Variants in CAMTA1 observed in about 807,000 individuals in gnomAD.
The protein encoded by CAMTA1 is calmodulin-binding transcription activator 1.
A neutral mutation model predicts 170.9 loss-of-function variants in CAMTA1; 27 were observed. The ratio of observed to expected loss-of-function variants is 0.16; its 90% CI spans 0.12 to 0.22. The LOEUF (loss-of-function observed/expected upper bound fraction) is 0.22. Ranked by LOEUF, CAMTA1 falls within the 10% of genes least tolerant of loss-of-function variation. CAMTA1 has a pLI of 1.00. For synonymous variants in CAMTA1, 833 were observed against 891.5 expected, an observed-to-expected ratio of 0.93 and a Z score of 1.17; for missense variants, 1,619 against 2,217.2, an observed-to-expected ratio of 0.73 and a Z score of 5.42.
intron 3 of CAMTA1, among the ~76,000 whole-genome samples, chr1:7,022,910 T>A (rs1456847084): frequency 2.0e-5 from 3 of 152,108 alleles, no homozygotes; most frequent in Admixed American, 6.6e-5. Context: ...GATTTCCAGG[T>A]GCCGGAAGCC....
chr1:6,850,645 A>G (rs191058706), intron 3 of CAMTA1, among the ~76,000 whole-genome samples: 45 of 152,348 alleles, frequency 3.0e-4, no homozygotes, highest in African/African-American at 1.0e-3. Flanking sequence ...TTGTGGGTGT[A>G]AGAGGTGGGG....
In CAMTA1 at chr1:7,642,052, C is replaced by A. The variant is rs1415223508; in HGVS notation, c.664+1499C>A. ...CCTCTCCACCTGCCCCTCTCCCTGG[C>A]TCTGCCTGCTCACCCCACCTTTCCC... On this transcript the variant is annotated intron_variant, in intron 7 of 22. Transcript: ENST00000303635. This position sits in a 1 kb window ranked among gnomAD's most constrained non-coding sequence, Gnocchi z 6.3. Among the ~76,000 whole-genome samples, 1 of 151,976 alleles carries A rather than the reference C, an allele frequency of 6.6e-6. No homozygotes were observed. Among genetic ancestry groups the A allele is most frequent in the Non-Finnish European group, 1.5e-5 (1 of 68,002 alleles).
chr1:7,400,837 G>T (rs1477139161), intron 5 of CAMTA1, among the ~76,000 whole-genome samples: 1 of 152,194 alleles, frequency 6.6e-6, no homozygotes, highest in Non-Finnish European at 1.5e-5. Context: ...TGCTCCTGTG[G>T]AAGTGGGGCA....
chr1:6,866,088 A>AGG (rs1666485875), intron 3 of CAMTA1, among the ~76,000 whole-genome samples: 1 of 152,056 alleles, frequency 6.6e-6, no homozygotes, highest in Non-Finnish European at 1.5e-5. Flanking sequence ...TTGAGGAGAG[A>AGG]GGGTATATGT....
intron 2 of CAMTA1, among the ~76,000 whole-genome samples, chr1:6,823,140 A>G (rs1346274634): frequency 1.3e-5 from 2 of 152,168 alleles, no homozygotes; most frequent in African/African-American, 2.4e-5. Context: ...TCAGAATTGT[A>G]CATATCATGG....
intron 5 of CAMTA1, among the ~76,000 whole-genome samples, chr1:7,379,178 T>C (rs747500526): frequency 6.6e-6 from 1 of 152,278 alleles, no homozygotes; most frequent in Non-Finnish European, 1.5e-5. Context: ...AATGTCAATA[T>C]ACTAAGATCT....
intron 3 of CAMTA1, among the ~76,000 whole-genome samples, chr1:6,958,506 T>G (rs1689852271): frequency 6.6e-6 from 1 of 152,142 alleles, no homozygotes; most frequent in Non-Finnish European, 1.5e-5. Context: ...CACAACAGAT[T>G]TCTGGAGCGC....
intron 6 of CAMTA1, among the ~76,000 whole-genome samples, chr1:7,469,987 G>A (rs2093300050): frequency 6.6e-6 from 1 of 152,208 alleles, no homozygotes; most frequent in South Asian, 2.1e-4. Context: ...ATTCATGTGT[G>A]TCTGGTTCGT....
At chr1:6,886,164 AC>A (rs112281607) in intron 3 of CAMTA1, 7,894 of 454,472 alleles carry the variant, frequency 0.017, 103 homozygotes, top group South Asian at 0.028. Context: ...GGGGTAACAT[AC>A]CTTCAAGCCC....
intron 5 of CAMTA1, among the ~76,000 whole-genome samples, chr1:7,411,827 A>C (rs2090782172): frequency 6.6e-6 from 1 of 151,964 alleles, no homozygotes; most frequent in African/African-American, 2.4e-5. Flanking sequence ...TTACATATGT[A>C]TACATGGGCC....
intron 6 of CAMTA1, among the ~76,000 whole-genome samples, chr1:7,578,381 T>A (rs1254527445): frequency 6.6e-6 from 1 of 152,178 alleles, no homozygotes; most frequent in Non-Finnish European, 1.5e-5. Flanking sequence ...CAAAGCCACG[T>A]GTCCCTCCCC....
At chr1:6,993,775 T>A (rs1696761773) in intron 3 of CAMTA1, among the ~76,000 whole-genome samples, 1 of 152,198 alleles carries the variant, frequency 6.6e-6, no homozygotes, top group African/African-American at 2.4e-5. Context: ...GCCTATAGTT[T>A]GGTCTTGCTT....
chr1:7,737,617 T>C (rs765702352), intron 15 of CAMTA1, 47 bp downstream of exon 15: 1 of 1,522,192 alleles, frequency 6.6e-7, no homozygotes, highest in Non-Finnish European at 8.9e-7. Flanking sequence ...AGAGATCCCG[T>C]TTGCTTTCAT....
intron 5 of CAMTA1, among the ~76,000 whole-genome samples, chr1:7,383,151 A>G (rs537521896): frequency 6.6e-6 from 1 of 152,294 alleles, no homozygotes; most frequent in Admixed American, 6.5e-5. Context: ...GACCACATGG[A>G]GAGTGTGGGT....
chr1:6,878,629 C>T (rs17029988), intron 3 of CAMTA1, among the ~76,000 whole-genome samples: 9,782 of 152,210 alleles, frequency 0.064, 350 homozygotes, highest in Middle Eastern at 0.099. Flanking sequence ...TGACAGAAGA[C>T]GACTTCTCTC....
At chr1:7,071,807 T>G (rs1471788176) in intron 3 of CAMTA1, among the ~76,000 whole-genome samples, 1 of 152,182 alleles carries the variant, frequency 6.6e-6, no homozygotes, top group Non-Finnish European at 1.5e-5. Flanking sequence ...AACAAAGGAT[T>G]TGGGCCATAA....
At chr1:7,164,593 G>A (rs78813181) in intron 4 of CAMTA1, among the ~76,000 whole-genome samples, 1,606 of 152,316 alleles carry the variant, frequency 0.011, 14 homozygotes, top group Non-Finnish European at 0.015. Context: ...TGTCATGTGC[G>A]GAATTGGGCA....
At chr1:7,069,329 C>T (rs1405703059) in intron 3 of CAMTA1, among the ~76,000 whole-genome samples, 1 of 152,178 alleles carries the variant, frequency 6.6e-6, no homozygotes, top group African/African-American at 2.4e-5. Flanking sequence ...CTGACTTGCC[C>T]AGGGTCACAC....
At chr1:6,886,348 T>A in intron 3 of CAMTA1, 2 of 442,906 alleles carry the variant, frequency 4.5e-6, no homozygotes, top group Non-Finnish European at 9.0e-6. Context: ...AAAAAAAATG[T>A]AATTGACATT....
Sources: allele counts gnomAD v4.1 joint callset (sites outside exome capture counted in the v4.1 genomes callset), GRCh38; gene constraint gnomAD v4.1.1; non-coding constraint Gnocchi (gnomAD v3.1); transcripts MANE v1.5; gene names NCBI Gene and HGNC (gene_info 2026-07-23, HGNC 2026-07-21).